The following VKORC1L1 variants were observed in gnomAD, a reference collection of about 807,000 sequenced individuals.
The protein encoded by VKORC1L1 is vitamin K epoxide reductase complex subunit 1-like protein 1.
VKORC1L1 carries 2 observed loss-of-function variants against 18.9 expected under a neutral mutation model. That is an observed-to-expected ratio of 0.11 (90% CI 0.04 to 0.33). VKORC1L1 has a LOEUF of 0.33. VKORC1L1 is among the 10% of genes least tolerant of loss of function. The probability of loss-of-function intolerance (pLI) is 1.00; values close to 1 mark genes in which losing one functional copy is unlikely to be tolerated. For synonymous variants in VKORC1L1, 96 were observed against 100.0 expected, an observed-to-expected ratio of 0.96 and a Z score of 0.24; for missense variants, 123 against 224.1, an observed-to-expected ratio of 0.55 and a Z score of 2.88.
chr7:65,911,535 C>T (rs772954206), intron 1 of VKORC1L1, among the ~76,000 whole-genome samples: 2 of 152,294 alleles, frequency 1.3e-5, no homozygotes, highest in Middle Eastern at 3.4e-3. Context: ...AGACAAATCA[C>T]TGGTCGTGCA....
At chr7:65,877,878 A>C (rs1252493852) in intron 1 of VKORC1L1, among the ~76,000 whole-genome samples, 2 of 152,104 alleles carry the variant, frequency 1.3e-5, no homozygotes, top group Admixed American at 1.3e-4. Context: ...GGCATACTCA[A>C]GTCCCCACTG....
At chr7:65,883,032 A>G (rs1037498440) in intron 1 of VKORC1L1, among the ~76,000 whole-genome samples, 2 of 152,208 alleles carry the variant, frequency 1.3e-5, no homozygotes, top group Non-Finnish European at 2.9e-5. Context: ...CATGCCATCA[A>G]AACAAAACAA....
chr7:65,953,081 G>T (rs1790240196), intron 2 of VKORC1L1, among the ~76,000 whole-genome samples: 1 of 151,934 alleles, frequency 6.6e-6, no homozygotes, highest in Admixed American at 6.6e-5. Context: ...ACAGGCATGA[G>T]CCACTGTGCG....
intron 1 of VKORC1L1, among the ~76,000 whole-genome samples, chr7:65,896,450 GTATA>G (rs1272046029): frequency 1.3e-5 from 2 of 152,096 alleles, no homozygotes; most frequent in Admixed American, 6.5e-5. Flanking sequence ...TTTAGTTTTG[GTATA>G]TATTGCCAGT....
At chr7:65,888,480 C>A (rs1789051544) in intron 1 of VKORC1L1, among the ~76,000 whole-genome samples, 1 of 152,088 alleles carries the variant, frequency 6.6e-6, no homozygotes, top group African/African-American at 2.4e-5. Flanking sequence ...GAGATCTTCC[C>A]CACATTTCAC....
chr7:65,890,798 G>A (rs1033309574), intron 1 of VKORC1L1, among the ~76,000 whole-genome samples: 3 of 152,060 alleles, frequency 2.0e-5, no homozygotes, highest in African/African-American at 7.2e-5. Context: ...CATTCTGGTA[G>A]GTACATAATG....
Position 65,956,356 on chromosome 7 carries a change from C to T in VKORC1L1, c.*2056C>T, listed in dbSNP as rs1304104013. On this transcript the variant is annotated 3_prime_UTR_variant, in exon 3 of 3. Coordinates refer to ENST00000360768, the MANE Select transcript of VKORC1L1 (RefSeq NM_173517.6). The stretch of plus-strand genomic sequence containing the variant: ...GTTGTGCTAAACAAGTTCCTCGTGT[C>T]CCAATATCCAATGGTTTTTCATCCT... The T allele has an allele frequency of 6.6e-6, 1 of 152,154 alleles. No homozygotes were observed. The highest frequency in any genetic ancestry group is 1.5e-5 in the Non-Finnish European group (1 of 68,040). 9.4% of individuals were successfully genotyped at this position (152,154 alleles called of 1,614,324 possible). A position where few individuals can be genotyped will look rare whatever the true frequency, so the allele number is the denominator to read the frequency against.
At chr7:65,905,752 G>C (rs1306136666) in intron 1 of VKORC1L1, among the ~76,000 whole-genome samples, 4 of 151,962 alleles carry the variant, frequency 2.6e-5, no homozygotes, top group Non-Finnish European at 5.9e-5. Flanking sequence ...TTCCACTACA[G>C]ATGTATGGAA....
intron 1 of VKORC1L1, among the ~76,000 whole-genome samples, chr7:65,913,964 A>G (rs545207454): frequency 1.2e-4 from 18 of 152,182 alleles, no homozygotes; most frequent in South Asian, 4.2e-4. Flanking sequence ...AGCTGGAATG[A>G]CTACAAGTGG....
rs1790257148 is a variant in VKORC1L1, at chr7:65,954,243, A to C, written c.474A>C (p.Lys158Asn). 1 of 1,614,110 alleles carries C rather than the reference A, an allele frequency of 6.2e-7. No individual in the cohort carries two copies. Among genetic ancestry groups the C allele is most frequent in the East Asian group, 2.2e-5 (1 of 44,884 alleles). ...TCCTTCTTCTCATTATCAACTACAA[A>C]CGACTAGTTTACTTGAACGAGGCCT... Reference protein sequence around the residue: ...LNFLLLIINYKRLVYLNEAWK... With the variant: ...LNFLLLIINYNRLVYLNEAWK... Residue 158 changes from lysine to asparagine, a missense_variant, in exon 3 of 3, where the codon AAA becomes AAC. Physicochemically the swap from Lys to Asn is moderately conservative, Grantham distance 94. This residue lies in a region of VKORC1L1 where 41 missense variants were observed against 61.6 expected (regional missense o/e 0.67). Coordinates refer to ENST00000360768, the MANE Select transcript of VKORC1L1 (RefSeq NM_173517.6).
intron 1 of VKORC1L1, among the ~76,000 whole-genome samples, chr7:65,922,131 A>G (rs1789685944): frequency 6.6e-6 from 1 of 151,862 alleles, no homozygotes; most frequent in Non-Finnish European, 1.5e-5. Flanking sequence ...TTTTGTCATT[A>G]TTGTCATTTA....
intron 1 of VKORC1L1, among the ~76,000 whole-genome samples, chr7:65,874,534 A>G (rs548275125): frequency 8.5e-5 from 13 of 152,114 alleles, no homozygotes; most frequent in African/African-American, 2.9e-4. Context: ...TTGGCCGGGC[A>G]CAGTGGCTCA....
At chr7:65,896,552 C>CTCCTTCCT (rs143743754) in intron 1 of VKORC1L1, among the ~76,000 whole-genome samples, 2 of 143,958 alleles carry the variant, frequency 1.4e-5, no homozygotes, top group African/African-American at 5.1e-5. Flanking sequence ...CCCTTCCTCC[C>CTCCTTCCT]TCCTTCCTTC....
intron 1 of VKORC1L1, among the ~76,000 whole-genome samples, chr7:65,908,278 G>A (rs1400362196): frequency 6.6e-6 from 1 of 152,160 alleles, no homozygotes; most frequent in Non-Finnish European, 1.5e-5. Context: ...GCCGAGCATG[G>A]TGGCGCATGC....
intron 1 of VKORC1L1, among the ~76,000 whole-genome samples, chr7:65,878,873 A>G (rs1465577526): frequency 1.3e-5 from 2 of 152,164 alleles, no homozygotes; most frequent in Non-Finnish European, 2.9e-5. Context: ...GTGCCACTGC[A>G]CTCCAGACTG....
intron 1 of VKORC1L1, among the ~76,000 whole-genome samples, chr7:65,934,395 G>T (rs549617583): frequency 7.2e-5 from 11 of 152,066 alleles, no homozygotes; most frequent in Non-Finnish European, 1.5e-5. Flanking sequence ...GAGAACATTC[G>T]AAATTTATTC....
chr7:65,925,021 A>G (rs1013236204), intron 1 of VKORC1L1, among the ~76,000 whole-genome samples: 4 of 151,878 alleles, frequency 2.6e-5, no homozygotes, highest in Non-Finnish European at 4.4e-5. Flanking sequence ...TCCATCCGTA[A>G]TCTTCCCTTT....
rs1395083101 is a variant in VKORC1L1, at chr7:65,959,364, T to TTAAC, written c.*5066_*5069dup. The TTAAC allele has an allele frequency of 6.6e-6, 1 of 152,232 alleles. No homozygotes were observed. Among genetic ancestry groups the TTAAC allele is most frequent in the Non-Finnish European group, 1.5e-5 (1 of 68,048 alleles). 9.4% of individuals were successfully genotyped at this position (152,232 alleles called of 1,614,324 possible). A position where few individuals can be genotyped will look rare whatever the true frequency, so the allele number is the denominator to read the frequency against. On this transcript the variant is annotated 3_prime_UTR_variant, in exon 3 of 3. Transcript: ENST00000360768. ...AACCATTTAAATGTGTCTATTACAT[T>TTAAC]TAACTTTTCTTAATGTTTGTCAACT...
At position 65,879,499 on chromosome 7, in the gene VKORC1L1, C is replaced by T. The variant is rs561432300; in HGVS notation, c.194+5934C>T. Among the ~76,000 whole-genome samples, 4 of 152,296 alleles carry T rather than the reference C, an allele frequency of 2.6e-5. No individual in the cohort carries two copies. The East Asian group carries it at 7.7e-4, about 29-fold the overall frequency. ...TACATTATTGAAGTCTCTCAAGAGT[C>T]CCATGAGGCAGGTAGCTTTTATCAC... On this transcript the variant is annotated intron_variant, in intron 1 of 2. Coordinates refer to ENST00000360768, the MANE Select transcript of VKORC1L1 (RefSeq NM_173517.6).
Sources: allele counts gnomAD v4.1 joint callset (sites outside exome capture counted in the v4.1 genomes callset), GRCh38; gene constraint gnomAD v4.1.1; regional missense constraint gnomAD v4.1.1; transcripts MANE v1.5; gene names NCBI Gene and HGNC (gene_info 2026-07-23, HGNC 2026-07-21).